The following MOV10L1 variants were observed in gnomAD, a reference collection of about 807,000 sequenced individuals.
MOV10L1 encodes the protein Mov10 like RNA helicase 1, also known as RNA helicase Mov10l1.
Under a neutral mutation model 143.8 loss-of-function variants are expected in MOV10L1, and 110 were observed. The ratio of observed to expected loss-of-function variants is 0.76; its 90% CI spans 0.66 to 0.90. The LOEUF is 0.90. Among genes scored for constraint, MOV10L1 ranks in the 40% least tolerant of loss-of-function variants. The pLI, the probability that MOV10L1 is intolerant of heterozygous loss-of-function variation, is 0.00. For synonymous variants in MOV10L1, 593 were observed against 581.1 expected (o/e 1.02, Z -0.29); for missense variants, 1,406 against 1,526.8 (o/e 0.92, Z 1.32).
Position 50,158,218 on chromosome 22 carries a change from C to G in MOV10L1, c.3216+12C>G. 1 of 1,613,922 alleles carries G rather than the reference C, an allele frequency of 6.2e-7. No homozygotes were observed. The highest frequency in any genetic ancestry group is 8.5e-7 in the Non-Finnish European group (1 of 1,179,958). ...CCTACCGGAAGCAGGTACGCCCTGCCCAGGCACGCCTGGTTCTGTGAGGTC... is the reference window on the plus strand; with the variant it reads ...CCTACCGGAAGCAGGTACGCCCTGCGCAGGCACGCCTGGTTCTGTGAGGTC... On this transcript the variant is annotated intron_variant, in intron 23 of 26. Transcript: ENST00000262794. This position sits in a 1 kb window ranked among gnomAD's most constrained non-coding sequence, Gnocchi z 5.0.
intron 9 of MOV10L1, 126 bp from the exon 10 acceptor site, chr22:50,120,376 T>G (rs2062304646): frequency 3.1e-6 from 2 of 648,546 alleles, no homozygotes; most frequent in Non-Finnish European, 2.7e-6. Context: ...TATTCATATA[T>G]CAGTTCTTCT....
intron 2 of MOV10L1, among the ~76,000 whole-genome samples, chr22:50,097,493 A>G (rs2062618549): frequency 6.6e-6 from 1 of 152,142 alleles, no homozygotes; most frequent in Non-Finnish European, 1.5e-5. Flanking sequence ...TTATTTTCCC[A>G]GCACTATTTT....
chr22:50,103,236 A>G (rs1478176680), intron 3 of MOV10L1, among the ~76,000 whole-genome samples: 1 of 152,230 alleles, frequency 6.6e-6, no homozygotes, highest in Non-Finnish European at 1.5e-5. Flanking sequence ...GTGCTTGTGC[A>G]TGTTTGAACA....
intron 15 of MOV10L1, among the ~76,000 whole-genome samples, chr22:50,138,719 TG>T (rs1049092047): frequency 7.2e-5 from 11 of 152,322 alleles, no homozygotes; most frequent in African/African-American, 2.4e-4. Context: ...TTTGTTTGTT[TG>T]TTTTGAGACA....
intron 1 of MOV10L1, chr22:50,090,390 T>C: frequency 6.4e-7 from 1 of 1,556,726 alleles, no homozygotes; most frequent in South Asian, 1.2e-5. Context: ...GCGCCCGTCC[T>C]CTGTGAGGTC....
intron 2 of MOV10L1, among the ~76,000 whole-genome samples, chr22:50,097,296 A>C (rs540115026): frequency 6.6e-6 from 1 of 152,046 alleles, no homozygotes; most frequent in South Asian, 2.1e-4. Context: ...TTTTGTAGAG[A>C]TGGGGCCTCT....
At position 50,092,190 on chromosome 22, in the gene MOV10L1, G is replaced by A. The variant is rs2062463940; in HGVS notation, c.282+5G>A. On this transcript the variant is annotated splice_donor_5th_base_variant and intron_variant, in intron 2 of 26. Coordinates refer to ENST00000262794, the MANE Select transcript of MOV10L1 (RefSeq NM_018995.3). ...AATGGACTGAAAGCAATCAGGGTAA[G>A]GTTTGAGTTCATTTGGGAACAGTTT... The A allele has an allele frequency of 1.2e-6, 2 of 1,609,182 alleles. No homozygotes were observed. The highest frequency in any genetic ancestry group is 2.7e-5 in the African/African-American group (2 of 74,758).
intron 1 of MOV10L1, chr22:50,090,737 C>T (rs1325931437): frequency 1.1e-5 from 6 of 562,288 alleles, no homozygotes; most frequent in South Asian, 4.2e-5. Context: ...AGTGCAGTGG[C>T]GCAATCTCGG....
At chr22:50,124,498 T>C (rs1165707210) in intron 10 of MOV10L1, among the ~76,000 whole-genome samples, 9 of 152,184 alleles carry the variant, frequency 5.9e-5, no homozygotes, top group African/African-American at 1.9e-4. Flanking sequence ...TTGGGGTTCA[T>C]TGGGATTCTT....
intron 1 of MOV10L1, 132 bp downstream of exon 1, chr22:50,090,317 C>T (rs2062395006): frequency 3.4e-6 from 5 of 1,470,256 alleles, no homozygotes; most frequent in South Asian, 2.8e-5. Flanking sequence ...TCCTCATCTC[C>T]GCTGGCGGGG....
intron 3 of MOV10L1, among the ~76,000 whole-genome samples, chr22:50,107,205 G>C (rs149015425): frequency 1.3e-5 from 2 of 151,516 alleles, no homozygotes; most frequent in Non-Finnish European, 2.9e-5. Flanking sequence ...CTCCCGAGTA[G>C]CTGGGACTAC....
intron 8 of MOV10L1, among the ~76,000 whole-genome samples, chr22:50,116,675 T>TA: frequency 6.8e-6 from 1 of 147,162 alleles, no homozygotes; most frequent in East Asian, 2.0e-4. Flanking sequence ...TTTTTTTTTT[T>TA]TTTTTTTTGA....
At chr22:50,133,329 T>A (rs1324042858) in intron 13 of MOV10L1, among the ~76,000 whole-genome samples, 1 of 151,050 alleles carries the variant, frequency 6.6e-6, no homozygotes, top group Non-Finnish European at 1.5e-5. Context: ...TGTGGTGGCT[T>A]ACACCTGTAA....
intron 24 of MOV10L1, 71 bp from the exon 25 acceptor site, chr22:50,160,617 T>C (rs1225856952): frequency 1.3e-6 from 2 of 1,518,310 alleles, no homozygotes; most frequent in Non-Finnish European, 1.8e-6. Flanking sequence ...TGTTTTTATA[T>C]ATCAAGAGTT....
At chr22:50,099,709 A>G (rs1027902543) in intron 3 of MOV10L1, 107 bp downstream of exon 3, 3 of 1,312,170 alleles carry the variant, frequency 2.3e-6, no homozygotes, top group Non-Finnish European at 2.1e-6. Context: ...GCACTTTGTC[A>G]GGCTGAGACA....
chr22:50,100,553 G>A (rs1177552337), intron 3 of MOV10L1, among the ~76,000 whole-genome samples: 3 of 151,350 alleles, frequency 2.0e-5, no homozygotes, highest in East Asian at 3.9e-4. Flanking sequence ...TCACCCTGTC[G>A]CCCAGGCTGG....
intron 15 of MOV10L1, among the ~76,000 whole-genome samples, chr22:50,137,803 A>ATATATATACATATATAAATATACATATTT (rs1402399769): frequency 0.014 from 746 of 53,778 alleles, 12 homozygotes; most frequent in Non-Finnish European, 0.031. Context: ...TACATATTTT[A>ATATATATACATATATAAATATACATATTT]TATATATACA....
intron 19 of MOV10L1, 103 bp from the exon 20 acceptor site, chr22:50,149,512 G>A (rs1015596756): frequency 3.5e-6 from 4 of 1,158,658 alleles, no homozygotes; most frequent in Non-Finnish European, 4.9e-6. Flanking sequence ...GGGCAACCCT[G>A]CTGTGCCCCC....
At chr22:50,160,624 A>G in intron 24 of MOV10L1, 64 bp from the exon 25 acceptor site, 1 of 1,539,754 alleles carries the variant, frequency 6.5e-7, no homozygotes, top group Non-Finnish European at 8.8e-7. Context: ...ATATATCAAG[A>G]GTTTCTCTTC....
Sources: gnomAD v4.1 joint callset for allele counts (sites outside exome capture counted in the v4.1 genomes callset) on GRCh38, gnomAD v4.1.1 for gene constraint, Gnocchi (gnomAD v3.1) non-coding constraint, MANE v1.5 for transcripts, NCBI Gene and HGNC (gene_info 2026-07-23, HGNC 2026-07-21) for gene names.